CHIT1: variants seen among roughly 807,000 people sequenced by gnomAD.
CHIT1 encodes chitotriosidase-1.
A neutral mutation model predicts 52.0 loss-of-function variants in CHIT1; 47 were observed. That is an observed-to-expected ratio of 0.90 (90% CI 0.71 to 1.15). The LOEUF (loss-of-function observed/expected upper bound fraction) is 1.15, where lower values mean the gene tolerates loss of function less well. Among genes scored for constraint, CHIT1 ranks in the 50% most tolerant of loss-of-function variants. The pLI, the probability that CHIT1 is intolerant of heterozygous loss-of-function variation, is 0.00. For missense variants in CHIT1, 569 were observed against 583.0 expected (o/e 0.98, Z 0.25); for synonymous variants, 242 against 228.2 (o/e 1.06, Z -0.54).
At position 203,216,847 on chromosome 1, in the gene CHIT1, T is replaced by G. The variant is rs1656547601; in HGVS notation, c.*42A>C. 1 of 1,612,780 alleles carries G rather than the reference T, an allele frequency of 6.2e-7. No homozygotes were observed. The highest frequency in any genetic ancestry group is 8.5e-7 in the Non-Finnish European group (1 of 1,179,912). ...CAGGAGGCAGGCTGTAGAGTGATCC[T>G]GGGCCCAGCCTCAAAGCTGGGACTG... On this transcript the variant is annotated 3_prime_UTR_variant, in exon 11 of 11. Transcript: ENST00000367229.
intron 7 of CHIT1, among the ~76,000 whole-genome samples, chr1:203,221,637 A>G (rs996593783): frequency 2.0e-5 from 3 of 152,164 alleles, no homozygotes; most frequent in African/African-American, 2.4e-5. Context: ...ATAAATATAT[A>G]AAATTAAAAA....
At chr1:203,222,074 C>G (rs556077241) in intron 7 of CHIT1, 128 bp downstream of exon 7, 1 of 1,371,120 alleles carries the variant, frequency 7.3e-7, no homozygotes, top group East Asian at 2.4e-5. Flanking sequence ...AGCAAAGAAA[C>G]AAAAAAGCTT....
intron 2 of CHIT1, among the ~76,000 whole-genome samples, 187 bp downstream of exon 2, chr1:203,228,346 G>A (rs1490796885): frequency 1.3e-5 from 2 of 152,224 alleles, no homozygotes; most frequent in African/African-American, 2.4e-5. Flanking sequence ...TCAGCTAATG[G>A]ATAAGGAGGC....
intron 2 of CHIT1, among the ~76,000 whole-genome samples, chr1:203,226,263 G>A (rs932998518): frequency 6.6e-6 from 1 of 152,164 alleles, no homozygotes; most frequent in African/African-American, 2.4e-5. Flanking sequence ...CTCAGAGTCC[G>A]AGCTCCCAGG....
At chr1:203,218,843 G>A (rs1039359086) in intron 9 of CHIT1, among the ~76,000 whole-genome samples, 3 of 152,210 alleles carry the variant, frequency 2.0e-5, no homozygotes, top group Admixed American at 6.5e-5. Flanking sequence ...TATTGGGCAG[G>A]AGAAGGGGGT....
upstream of CHIT1, chr1:203,229,759 G>A (rs553009411): frequency 4.3e-6 from 5 of 1,171,520 alleles, no homozygotes; most frequent in African/African-American, 3.0e-5. Flanking sequence ...CTGGGTGGGG[G>A]GGATGGGAGC....
At chr1:203,224,478 A>G (rs146537275) in intron 4 of CHIT1, among the ~76,000 whole-genome samples, 69 of 152,348 alleles carry the variant, frequency 4.5e-4, no homozygotes, top group African/African-American at 1.6e-3. Flanking sequence ...GATCCAAAAA[A>G]GTTTTAGAAA....
intron 3 of CHIT1, 130 bp downstream of exon 3, chr1:203,225,539 T>A: frequency 1.1e-6 from 1 of 910,056 alleles, no homozygotes; most frequent in Admixed American, 2.0e-5. Context: ...AGAGAGGTGA[T>A]ACAACTTGCC....
At position 203,225,660 on chromosome 1, in the gene CHIT1, T is replaced by C; in HGVS notation, c.257+9A>G. On this transcript the variant is annotated intron_variant, in intron 3 of 10. Transcript: ENST00000367229. ...ATCCCACCCACCCTGCTCCTCTGCT[T>C]TGGCTCACATCTTCTTCAGGCCATT... The C allele has an allele frequency of 6.2e-7, 1 of 1,613,030 alleles. No individual in the cohort carries two copies. Among genetic ancestry groups the C allele is most frequent in the Non-Finnish European group, 8.5e-7 (1 of 1,179,278 alleles).
At chr1:203,227,566 G>A (rs1012588510) in intron 2 of CHIT1, among the ~76,000 whole-genome samples, 1 of 152,164 alleles carries the variant, frequency 6.6e-6, no homozygotes, top group Non-Finnish European at 1.5e-5. Flanking sequence ...TGTGTGAAAC[G>A]GGGAGACCAT....
intron 2 of CHIT1, among the ~76,000 whole-genome samples, chr1:203,227,568 G>A (rs1656970785): frequency 6.6e-6 from 1 of 152,196 alleles, no homozygotes; most frequent in African/African-American, 2.4e-5. Context: ...TGTGAAACGG[G>A]GAGACCATTG....
At chr1:203,220,639 G>A (rs1656700993) in intron 7 of CHIT1, among the ~76,000 whole-genome samples, 1 of 152,224 alleles carries the variant, frequency 6.6e-6, no homozygotes, top group Admixed American at 6.5e-5. Context: ...AGCTGCCCTA[G>A]TTTTGTCAGG....
At chr1:203,229,530 A>G (rs1403070761) in intron 1 of CHIT1, 82 bp downstream of exon 1, 5 of 1,531,394 alleles carry the variant, frequency 3.3e-6, no homozygotes, top group Non-Finnish European at 4.5e-6. Context: ...CTTCCTTGCA[A>G]ATGGTAGCAA....
intron 2 of CHIT1, among the ~76,000 whole-genome samples, chr1:203,226,208 C>A (rs748409333): frequency 1.3e-5 from 2 of 152,200 alleles, no homozygotes; most frequent in African/African-American, 2.4e-5. Context: ...AGAGGTGCTG[C>A]GACCCAAGTC....
chr1:203,223,368 C>T (rs1656810227), intron 5 of CHIT1, 109 bp from the exon 6 acceptor site: 1 of 1,603,618 alleles, frequency 6.2e-7, no homozygotes, highest in Admixed American at 1.7e-5. Context: ...GGCCACAGGG[C>T]TGATCTGTGC....
At position 203,218,207 on chromosome 1, in the gene CHIT1, G is replaced by A. The variant is rs965326200; in HGVS notation, c.1030-342C>T. 7.9e-6 allele frequency: 7 copies of A among 881,948 alleles called. No homozygotes were observed. The Admixed American group carries it at 8.3e-5, about 10-fold the overall frequency. The allele number at this position is 881,948 out of a possible 1,614,324, so 54.6% of individuals were successfully genotyped here. A position where few individuals can be genotyped will look rare whatever the true frequency, so the allele number is the denominator to read the frequency against. ...CTGAGCTGCTTTATTTAAGGGTATTGTATGCTGGTCAAGGTCAAGGTCAAG... is the reference window on the plus strand; with the variant it reads ...CTGAGCTGCTTTATTTAAGGGTATTATATGCTGGTCAAGGTCAAGGTCAAG... On this transcript the variant is annotated intron_variant, in intron 9 of 10. Transcript: ENST00000367229.
chr1:203,221,841 G>A (rs924169894), intron 7 of CHIT1, among the ~76,000 whole-genome samples: 3 of 152,112 alleles, frequency 2.0e-5, no homozygotes, highest in Non-Finnish European at 4.4e-5. Context: ...GTGTGACCAT[G>A]GAGCACAAGT....
chr1:203,217,217 G>A (rs1656566141), intron 10 of CHIT1, 84 bp from the exon 11 acceptor site: 30 of 1,595,946 alleles, frequency 1.9e-5, no homozygotes, highest in Non-Finnish European at 2.5e-5. Context: ...GCAACCATTG[G>A]CTGGCAGCAG....
rs755620290 is a variant in CHIT1, at chr1:203,225,766, G to A, written c.160C>T (p.Leu54Phe). The change falls in exon 3 of 11, where the codon CTC (leucine) becomes TTC (phenylalanine). Residue 54 changes from leucine to phenylalanine, a missense_variant. Physicochemically the swap from Leu to Phe is conservative, Grantham distance 22. Transcript: ENST00000367229. ...GTCATGCCAGCGAAGGCGTAGATGAGGTGGGTGCAAAGGCTGGGGTCCAAG... is the reference window on the plus strand; with the variant it reads ...GTCATGCCAGCGAAGGCGTAGATGAAGTGGGTGCAAAGGCTGGGGTCCAAG... ...KDLDPSLCTH[L>F]IYAFAGMTNH... 25 of 1,614,148 alleles carry A rather than the reference G, an allele frequency of 1.5e-5. No homozygotes were observed. Among genetic ancestry groups the A allele is most frequent in the Non-Finnish European group, 1.9e-5 (23 of 1,180,024 alleles).
Sources: allele counts gnomAD v4.1 joint callset (sites outside exome capture counted in the v4.1 genomes callset), GRCh38; gene constraint gnomAD v4.1.1; transcripts MANE v1.5; gene names NCBI Gene and HGNC (gene_info 2026-07-23, HGNC 2026-07-21).